PRH2: variants seen among roughly 807,000 people sequenced by gnomAD.
PRH2 encodes the protein proline rich protein HaeIII subfamily 2.
A neutral mutation model predicts 22.6 loss-of-function variants in PRH2; 19 were observed. That is an observed-to-expected ratio of 0.84 (90% CI 0.59 to 1.23). The LOEUF is 1.23. Among genes scored for constraint, PRH2 ranks in the 50% most tolerant of loss-of-function variants. The pLI is 0.00. For synonymous variants in PRH2, 45 were observed against 72.0 expected, an observed-to-expected ratio of 0.63 and a Z score of 1.90; for missense variants, 109 against 203.0, an observed-to-expected ratio of 0.54 and a Z score of 2.81.
chr12:10,929,934 C>A (rs1357580658), intron 1 of PRH2, among the ~76,000 whole-genome samples: 1 of 152,080 alleles, frequency 6.6e-6, no homozygotes, highest in African/African-American at 2.4e-5. Flanking sequence ...CAAACATAAA[C>A]AACATATTTA....
chr12:10,930,654 T>C lies in PRH2; in HGVS notation c.101-8T>C, dbSNP rs7311718. 3.5e-3 allele frequency: 5,576 copies of C among 1,613,606 alleles called. 196 individuals carry two copies. In the African/African-American group the frequency reaches 0.065, roughly 19 times the overall value. On this transcript the variant is annotated splice_polypyrimidine_tract_variant and splice_region_variant and intron_variant, in intron 2 of 3. Coordinates refer to ENST00000396400, the MANE Select transcript of PRH2 (RefSeq NM_001110213.1). ...TGAGCTCAGCTCTTCTTGTTTCAACTCACACAGATGGAGGAGACTCTGAGC... is the reference window on the plus strand; with the variant it reads ...TGAGCTCAGCTCTTCTTGTTTCAACCCACACAGATGGAGGAGACTCTGAGC...
rs546808824 is a variant in PRH2, at chr12:10,932,665, G to C, written c.*458G>C. ...CTTATTTTGTTTTCTAGGAAAGTGA[G>C]TATGGTTCTATGCCTGTATTCCCCA... On this transcript the variant is annotated 3_prime_UTR_variant, in exon 4 of 4. Transcript: ENST00000396400. Among the ~76,000 whole-genome samples the C allele has an allele frequency of 6.6e-6, 1 of 152,244 alleles. No homozygotes were observed. The highest frequency in any genetic ancestry group is 1.9e-4 in the East Asian group (1 of 5,184).
chr12:10,931,821 T>G (rs888435014), intron 3 of PRH2, among the ~76,000 whole-genome samples: 1 of 151,094 alleles, frequency 6.6e-6, no homozygotes, highest in African/African-American at 2.4e-5. Context: ...ATTGGTTAGT[T>G]TTTTTTTTTA....
rs781260072 is a variant in PRH2, at chr12:10,930,694, G to A, written c.133G>A (p.Glu45Lys). The A allele has an allele frequency of 8.7e-6, 14 of 1,613,758 alleles. No homozygotes were observed. The Admixed American group carries it at 1.7e-4, about 19-fold the overall frequency. The change falls in exon 3 of 4, where the codon GAG becomes AAG. Residue 45 changes from glutamate to lysine, a missense_variant. This residue lies in a region of PRH2 where 54 missense variants were observed against 60.5 expected (regional missense o/e 0.89). Coordinates refer to ENST00000396400, the MANE Select transcript of PRH2 (RefSeq NM_001110213.1). Reference protein sequence around the residue: ...GGDSEQFIDEERQGPPLGGQQ... With the variant: ...GGDSEQFIDEKRQGPPLGGQQ... ...AGACTCTGAGCAGTTCATAGATGAG[G>A]AGCGTCAGGGACCACCTTTGGGAGG...
At chr12:10,932,033 A>T (rs915589198) in intron 3 of PRH2, among the ~76,000 whole-genome samples, 193 bp from the exon 4 acceptor site, 3 of 152,216 alleles carry the variant, frequency 2.0e-5, no homozygotes, top group South Asian at 2.1e-4. Flanking sequence ...TCATCTAAGC[A>T]ACAGTTTAAA....
chr12:10,934,590 T>C lies in PRH2; in HGVS notation c.*2383T>C, dbSNP rs1239953228. On this transcript the variant is annotated 3_prime_UTR_variant, in exon 4 of 4. Transcript: ENST00000396400. ...CACATGTACCTGTTATACATACTTA[T>C]TAATTGGATGTGCAGTTAATTTCTT... Among the ~76,000 whole-genome samples, 2 of 151,582 alleles carry C rather than the reference T, an allele frequency of 1.3e-5. No individual in the cohort carries two copies. Among genetic ancestry groups the C allele is most frequent in the Non-Finnish European group, 2.9e-5 (2 of 67,856 alleles).
At chr12:10,931,399 G>C (rs1372221506) in intron 3 of PRH2, among the ~76,000 whole-genome samples, 1 of 152,144 alleles carries the variant, frequency 6.6e-6, no homozygotes, top group Non-Finnish European at 1.5e-5. Flanking sequence ...TTTATTTAAA[G>C]TTTTACCTGA....
chr12:10,930,341 A>C (rs778790830), intron 2 of PRH2, 37 bp downstream of exon 2: 2 of 1,597,860 alleles, frequency 1.3e-6, no homozygotes, highest in East Asian at 2.2e-5. Context: ...CTCTGTCTCC[A>C]TTTTTCCCTG....
rs1591694385 is a variant in PRH2, at chr12:10,933,315, T to C, written c.*1108T>C. On this transcript the variant is annotated 3_prime_UTR_variant, in exon 4 of 4. Transcript: ENST00000396400. The stretch of plus-strand genomic sequence containing the variant: ...CTAAGTAAAATATGATGAAATTTAA[T>C]AGAGAATTCACTCCTCCCAAAAGCA... 6.6e-6 allele frequency among the ~76,000 whole-genome samples: 1 copy of C among 152,024 alleles called. No individual in the cohort carries two copies.
chr12:10,934,756 C>T lies in PRH2; in HGVS notation c.*2549C>T, dbSNP rs1385031088. Among the ~76,000 whole-genome samples the T allele has an allele frequency of 1.3e-5, 2 of 152,002 alleles. No individual in the cohort carries two copies. Among genetic ancestry groups the T allele is most frequent in the Non-Finnish European group, 2.9e-5 (2 of 67,988 alleles). ...CATTCTGATCCAGATACTGTATGTTCTTAACATAAAGTGAAATTTCTCATA... is the reference window on the plus strand; with the variant it reads ...CATTCTGATCCAGATACTGTATGTTTTTAACATAAAGTGAAATTTCTCATA... On this transcript the variant is annotated 3_prime_UTR_variant, in exon 4 of 4. Transcript: ENST00000396400.
At chr12:10,929,363 G>GT in intron 1 of PRH2, 26 bp downstream of exon 1, 1 of 1,614,060 alleles carries the variant, frequency 6.2e-7, no homozygotes, top group Non-Finnish European at 8.5e-7. Flanking sequence ...GGAAGATATT[G>GT]TGACTCTGAT....
chr12:10,931,169 A>T, intron 3 of PRH2, 89 bp downstream of exon 3: 1 of 1,567,298 alleles, frequency 6.4e-7, no homozygotes, highest in South Asian at 1.2e-5. Flanking sequence ...AAAAGCTGTT[A>T]ATATTTCCGT....
chr12:10,932,611 G>A lies in PRH2; in HGVS notation c.*404G>A, dbSNP rs533312538. Among the ~76,000 whole-genome samples, 1 of 152,292 alleles carries A rather than the reference G, an allele frequency of 6.6e-6. No individual in the cohort carries two copies. The highest frequency in any genetic ancestry group is 2.4e-5 in the African/African-American group (1 of 41,570). ...CCAATGAAAGAAAGTCCCAGAAGCT[G>A]AGAGAAACTTTAACAAGTTTGAGAG... On this transcript the variant is annotated 3_prime_UTR_variant, in exon 4 of 4. Transcript: ENST00000396400.
At chr12:10,930,588 G>A (rs1000069827) in intron 2 of PRH2, 74 bp from the exon 3 acceptor site, 55 of 1,594,050 alleles carry the variant, frequency 3.5e-5, no homozygotes, top group Non-Finnish European at 4.1e-5. Flanking sequence ...CGGCCGTGTG[G>A]TGAAGACAGA....
Position 10,931,093 on chromosome 12 carries a change from T to A in PRH2, c.*18+13T>A, listed in dbSNP as rs1306412632. The A allele has an allele frequency of 6.4e-7, 1 of 1,568,130 alleles. No individual in the cohort carries two copies. Among genetic ancestry groups the A allele is most frequent in the Admixed American group, 2.0e-5 (1 of 50,012 alleles). ...GATTCAATGATAGGTATGATTCCAGTTTATTATCCATCAAAGGCTCCAACT... is the reference window on the plus strand; with the variant it reads ...GATTCAATGATAGGTATGATTCCAGATTATTATCCATCAAAGGCTCCAACT... On this transcript the variant is annotated intron_variant, in intron 3 of 3. Transcript: ENST00000396400.
Position 10,930,983 on chromosome 12 carries a change from C to G in PRH2, c.422C>G (p.Pro141Arg), listed in dbSNP as rs1300694649. The G allele has an allele frequency of 1.9e-6, 3 of 1,596,544 alleles. No individual in the cohort carries two copies. In the African/African-American group the frequency reaches 4.0e-5, roughly 21 times the overall value. The stretch of plus-strand genomic sequence containing the variant: ...GGCCATCAGCAAGGTCCTCCCCCAC[C>G]TCCTCCTGGAAAGCCCCAGGGACCA... ...QGGHQQGPPP[P>R]PPGKPQGPPP... Residue 141 changes from proline to arginine, a missense_variant, in exon 3 of 4, where the codon CCT (proline) becomes CGT (arginine). Physicochemically the swap from Pro to Arg is moderately radical, Grantham distance 103 (BLOSUM62 -2). Coordinates refer to ENST00000396400, the MANE Select transcript of PRH2 (RefSeq NM_001110213.1).
chr12:10,930,978 C>T lies in PRH2; in HGVS notation c.417C>T (p.Pro139=). The change falls in exon 3 of 4, where the codon CCC becomes CCT. Residue 139 remains proline, a synonymous_variant. Coordinates refer to ENST00000396400, the MANE Select transcript of PRH2 (RefSeq NM_001110213.1). ...AGGGAGGCCATCAGCAAGGTCCTCC[C>T]CCACCTCCTCCTGGAAAGCCCCAGG... The part of the protein sequence containing the change: ...PQQGGHQQGP[P]PPPPGKPQGP... 1.3e-6 allele frequency: 2 copies of T among 1,596,944 alleles called. No individual in the cohort carries two copies. Among genetic ancestry groups the T allele is most frequent in the East Asian group, 4.5e-5 (2 of 44,694 alleles).
chr12:10,929,577 G>T (rs1334629768), intron 1 of PRH2, among the ~76,000 whole-genome samples: 1 of 152,138 alleles, frequency 6.6e-6, no homozygotes. Context: ...AGTGAGATTT[G>T]CATTTATAGA....
In PRH2 at chr12:10,932,447, T is replaced by C; in HGVS notation, c.*240T>C. 5.2e-6 allele frequency: 1 copy of C among 193,688 alleles called. No individual in the cohort carries two copies. The highest frequency in any genetic ancestry group is 9.9e-5 in the South Asian group (1 of 10,066). 12.0% of individuals were successfully genotyped at this position (193,688 alleles called of 1,614,324 possible). On this transcript the variant is annotated 3_prime_UTR_variant, in exon 4 of 4. Transcript: ENST00000396400. ...CAGCAAGCTTCTTTCCTCCTTATCC[T>C]TATTAAGTCATCTGCCTGGGGAAGG... is the stretch of plus-strand genomic sequence containing the variant.
Sources: gnomAD v4.1 joint callset for allele counts (sites outside exome capture counted in the v4.1 genomes callset) on GRCh38, gnomAD v4.1.1 for gene constraint, gnomAD v4.1.1 regional missense constraint, MANE v1.5 for transcripts, NCBI Gene and HGNC (gene_info 2026-07-23, HGNC 2026-07-21) for gene names.